MCTP2: variants seen among roughly 807,000 people sequenced by gnomAD.
The protein encoded by MCTP2 is multiple C2 and transmembrane domain-containing protein 2.
In MCTP2, 132 loss-of-function variants were observed where a neutral mutation model predicts 111.6. The observed-to-expected ratio is 1.18, with a 90% CI of 1.03 to 1.37. MCTP2 has a LOEUF of 1.37. MCTP2 is among the 40% of genes most tolerant of loss of function. The probability of loss-of-function intolerance (pLI) is 0.00; values close to 1 mark genes in which losing one functional copy is unlikely to be tolerated. For missense variants in MCTP2, 1,183 were observed against 1,067.9 expected (o/e 1.11, Z -1.50); for synonymous variants, 395 against 387.7 (o/e 1.02, Z -0.22).
At chr15:94,307,411 C>G (rs1255712836) in intron 2 of MCTP2, among the ~76,000 whole-genome samples, 2 of 152,044 alleles carry the variant, frequency 1.3e-5, no homozygotes, top group African/African-American at 4.8e-5. Flanking sequence ...AAAAAGAGAA[C>G]AGCAAGCATA....
chr15:94,258,127 C>T (rs554104181), intron 1 of MCTP2, among the ~76,000 whole-genome samples: 5 of 150,076 alleles, frequency 3.3e-5, no homozygotes, highest in Non-Finnish European at 7.4e-5. Flanking sequence ...CTGCCTGTCT[C>T]GTCCTCCCAA....
intron 4 of MCTP2, among the ~76,000 whole-genome samples, chr15:94,336,886 TGGTGAC>T (rs1220967362): frequency 7.9e-5 from 12 of 151,956 alleles, no homozygotes; most frequent in African/African-American, 2.9e-4. Context: ...ATGGCAGAAT[TGGTGAC>T]GGCCCCAGAA....
At chr15:94,474,088 CTTTTTTTCTGTTCTTTCT>C (rs2074145726) in intron 21 of MCTP2, among the ~76,000 whole-genome samples, 2 of 152,024 alleles carry the variant, frequency 1.3e-5, no homozygotes, top group African/African-American at 4.8e-5. Context: ...ATCCCACTTG[CTTTTTTTCTGTTCTTTCT>C]TTTCTTTCGC....
chr15:94,390,073 TATATATATATATA>T (rs2080811258), intron 14 of MCTP2, among the ~76,000 whole-genome samples: 1 of 11,208 alleles, frequency 8.9e-5, no homozygotes, highest in Non-Finnish European at 2.7e-4. Context: ...TATATATATA[TATATATATATATA>T]TATGTATATA....
chr15:94,245,437 T>C lies in MCTP2; in HGVS notation c.-66+13773T>C, dbSNP rs545721844. Reference sequence around the variant, plus strand: ...ATATACATGTGTGTATATATTTATATATACACATATATGTATATGTATTTA... The same window carrying C: ...ATATACATGTGTGTATATATTTATACATACACATATATGTATATGTATTTA... On this transcript the variant is annotated intron_variant, in intron 1 of 22. Coordinates refer to ENST00000357742, the MANE Select transcript of MCTP2 (RefSeq NM_001385001.1). Among the ~76,000 whole-genome samples, 460 of 138,720 alleles carry C rather than the reference T, an allele frequency of 3.3e-3. 4 individuals carry two copies. The highest frequency in any genetic ancestry group is 0.011 in the African/African-American group (430 of 38,502). 91.0% of individuals were successfully genotyped at this position (138,720 alleles called of 152,430 possible).
rs1348340007 is a variant in MCTP2 at position 94,325,821 on chromosome 15, T to C, written c.637+10184T>C. On this transcript the variant is annotated intron_variant, in intron 4 of 22. Transcript: ENST00000357742. ...CTACTCCATCGCTCCGATTTTTTTT[T>C]TTTTTTTTTTTTTTTTTGAGACGGA... is the stretch of plus-strand genomic sequence containing the variant. Among the ~76,000 whole-genome samples the C allele has an allele frequency of 1.4e-5, 2 of 140,466 alleles. 1 individual carries two copies. Among genetic ancestry groups the C allele is most frequent in the East Asian group, 4.1e-4 (2 of 4,890 alleles). The allele number at this position is 140,466 out of a possible 152,430, so 92.2% of individuals were successfully genotyped here. A position where few individuals can be genotyped will look rare whatever the true frequency, so the allele number is the denominator to read the frequency against.
At chr15:94,254,804 A>G (rs1596192199) in intron 1 of MCTP2, among the ~76,000 whole-genome samples, 1 of 152,350 alleles carries the variant, frequency 6.6e-6, no homozygotes, top group Admixed American at 6.5e-5. Flanking sequence ...TTTGTCATTG[A>G]TTACAACCTT....
chr15:94,340,023 T>C (rs1013400549), intron 5 of MCTP2, among the ~76,000 whole-genome samples, 176 bp from the exon 6 acceptor site: 2 of 152,240 alleles, frequency 1.3e-5, no homozygotes, highest in East Asian at 3.8e-4. Context: ...CAAGATTGAA[T>C]AATTTTGTTC....
In MCTP2 at chr15:94,470,344, G is replaced by A. The variant is rs764453294; in HGVS notation, c.2372G>A (p.Trp791Ter). Residue 791 changes from tryptophan to a stop codon, truncating the protein, a stop_gained, in exon 21 of 23, where the codon TGG becomes TAG. Transcript: ENST00000357742. LOFTEE classifies it high-confidence loss of function. ...TGGTTTGTCTACAGCACATTTAACT[G>A]GACGGTCCCCTTCCTTTCATCTCTG... ...FGERIKNTFN[W>*]TVPFLSSLAC... 2.5e-6 allele frequency: 4 copies of A among 1,612,530 alleles called. 1 individual carries two copies. In the South Asian group the frequency reaches 4.4e-5, roughly 18 times the overall value.
Position 94,480,379 on chromosome 15 carries a change from A to C in MCTP2, c.*1345A>C, listed in dbSNP as rs566744591. The stretch of plus-strand genomic sequence containing the variant: ...ATAATCTTCAAACAAAATGTTTACG[A>C]AAAATGCCAAAGATTCTAAATCTTA... On this transcript the variant is annotated 3_prime_UTR_variant, in exon 23 of 23. Transcript: ENST00000357742. 1 of 152,016 alleles carries C rather than the reference A, an allele frequency of 6.6e-6. No individual in the cohort carries two copies. Among genetic ancestry groups the C allele is most frequent in the Non-Finnish European group, 1.5e-5 (1 of 68,014 alleles). 9.4% of individuals were successfully genotyped at this position (152,016 alleles called of 1,614,324 possible).
chr15:94,245,942 A>T (rs796732662), intron 1 of MCTP2, among the ~76,000 whole-genome samples: 3 of 152,180 alleles, frequency 2.0e-5, no homozygotes, highest in African/African-American at 7.2e-5. Context: ...GTCAAGCTTC[A>T]TCTTCATGAA....
At chr15:94,404,617 ATTC>A (rs749608515) in intron 17 of MCTP2, among the ~76,000 whole-genome samples, 5 of 151,008 alleles carry the variant, frequency 3.3e-5, no homozygotes, top group South Asian at 4.2e-4. Flanking sequence ...ATCTTCTTTC[ATTC>A]TTCTTTTGGT....
Position 94,298,648 on chromosome 15 carries a change from C to A in MCTP2, c.383C>A (p.Ala128Asp). Reference sequence around the variant, plus strand: ...TCAGAGGAGGCCTATGCCTCTCCTGCTGAGCGGAGACGGGTGTCCAGCAAC... The same window carrying A: ...TCAGAGGAGGCCTATGCCTCTCCTGATGAGCGGAGACGGGTGTCCAGCAAC... ...TDSEEAYASP[A>D]ERRRVSSNGI... The change falls in exon 2 of 23, where the codon GCT becomes GAT. Residue 128 changes from alanine to aspartate, a missense_variant. Transcript: ENST00000357742. The A allele has an allele frequency of 6.2e-7, 1 of 1,614,006 alleles. No homozygotes were observed. Among genetic ancestry groups the A allele is most frequent in the Non-Finnish European group, 8.5e-7 (1 of 1,179,974 alleles).
At chr15:94,403,938 A>G (rs886676672) in intron 17 of MCTP2, among the ~76,000 whole-genome samples, 1 of 152,214 alleles carries the variant, frequency 6.6e-6, no homozygotes, top group Non-Finnish European at 1.5e-5. Context: ...ACACCATTGA[A>G]AAAAATGCAG....
chr15:94,354,301 G>C (rs981370845), intron 8 of MCTP2, among the ~76,000 whole-genome samples: 2 of 152,102 alleles, frequency 1.3e-5, no homozygotes, highest in African/African-American at 4.8e-5. Flanking sequence ...GTTAGACTTT[G>C]TGTCCCCACC....
In MCTP2 at chr15:94,476,730, C is replaced by G. The variant is rs766355778; in HGVS notation, c.2505C>G (p.Pro835=). 1.2e-6 allele frequency: 2 copies of G among 1,607,922 alleles called. No individual in the cohort carries two copies. The highest frequency in any genetic ancestry group is 1.7e-5 in the Admixed American group (1 of 59,980). ...INKFTKKLRN[P]YSIDNNELLD... ...AATTTACTAAGAAGCTTCGAAATCC[C>G]TATTCCATCGACAATAATGAGCTAC... The change falls in exon 22 of 23, where the codon CCC becomes CCG. Residue 835 remains proline (P), a synonymous_variant. Coordinates refer to ENST00000357742, the MANE Select transcript of MCTP2 (RefSeq NM_001385001.1).
At chr15:94,355,578 A>T (rs776293664) in intron 8 of MCTP2, among the ~76,000 whole-genome samples, 7 of 150,074 alleles carry the variant, frequency 4.7e-5, no homozygotes, top group Non-Finnish European at 8.9e-5. Flanking sequence ...CCCCCACTCC[A>T]GGTCTGCAAA....
intron 1 of MCTP2, among the ~76,000 whole-genome samples, chr15:94,287,505 A>G (rs1437268179): frequency 6.6e-6 from 1 of 152,190 alleles, no homozygotes; most frequent in Non-Finnish European, 1.5e-5. Flanking sequence ...AATTTTCTGC[A>G]CGTGGTTGTG....
intron 1 of MCTP2, among the ~76,000 whole-genome samples, chr15:94,239,695 T>G (rs1469244455): frequency 1.3e-5 from 2 of 152,224 alleles, no homozygotes; most frequent in African/African-American, 4.8e-5. Flanking sequence ...TTTCACTCCC[T>G]TAAGCCTCAT....
Sources: allele counts gnomAD v4.1 joint callset (sites outside exome capture counted in the v4.1 genomes callset), GRCh38; gene constraint gnomAD v4.1.1; transcripts MANE v1.5; gene names NCBI Gene and HGNC (gene_info 2026-07-23, HGNC 2026-07-21).